Variants in TTLL11 observed in about 807,000 individuals in gnomAD.
TTLL11 encodes tubulin tyrosine ligase like 11.
A neutral mutation model predicts 51.7 loss-of-function variants in TTLL11; 42 were observed. The observed-to-expected ratio is 0.81, with a 90% CI of 0.64 to 1.05. TTLL11 has a LOEUF of 1.05. Ranked by LOEUF, TTLL11 falls within the 50% of genes least tolerant of loss-of-function variation. The pLI, the probability that TTLL11 is intolerant of heterozygous loss-of-function variation, is 0.00. For missense variants in TTLL11, 799 were observed against 940.4 expected, an observed-to-expected ratio of 0.85 and a Z score of 1.97; for synonymous variants, 381 against 383.5, an observed-to-expected ratio of 0.99 and a Z score of 0.08.
At chr9:121,935,389 A>C (rs1841163756) in intron 6 of TTLL11, among the ~76,000 whole-genome samples, 2 of 152,226 alleles carry the variant, frequency 1.3e-5, no homozygotes, top group African/African-American at 4.8e-5. Flanking sequence ...TTTTGACTCC[A>C]TAGATATCCT....
intron 2 of TTLL11, among the ~76,000 whole-genome samples, chr9:122,035,908 C>T (rs1844687533): frequency 6.6e-6 from 1 of 152,166 alleles, no homozygotes; most frequent in African/African-American, 2.4e-5. Context: ...ACCTGACGCC[C>T]TCTAACCATG....
intron 1 of TTLL11, chr9:122,040,277 A>G (rs1844814408): frequency 1.1e-6 from 1 of 886,372 alleles, no homozygotes; most frequent in African/African-American, 1.8e-5. Flanking sequence ...AGCCTGTAAG[A>G]TAGCCTTGTA....
At chr9:122,030,981 C>T (rs1844523906) in intron 3 of TTLL11, among the ~76,000 whole-genome samples, 1 of 151,426 alleles carries the variant, frequency 6.6e-6, no homozygotes, top group African/African-American at 2.4e-5. Flanking sequence ...TGTTAAACTT[C>T]TAGCACAAAG....
chr9:121,884,067 C>T (rs187356209), intron 6 of TTLL11, among the ~76,000 whole-genome samples: 1 of 152,316 alleles, frequency 6.6e-6, no homozygotes, highest in East Asian at 1.9e-4. Context: ...CCAGACACAT[C>T]GCTGGTCCAC....
At position 121,851,839 on chromosome 9, in the gene TTLL11, G is replaced by A. The variant is rs1048754873; in HGVS notation, c.1840+8498C>T. On this transcript the variant is annotated intron_variant, in intron 8 of 8. Transcript: ENST00000321582. ...GAACGGATGGATGAGAGGAGTGGTG[G>A]GGGGGAAGCCCTCACAGCCCCGAGA... Among the ~76,000 whole-genome samples, 12 of 16,770 alleles carry A rather than the reference G, an allele frequency of 7.2e-4. No homozygotes were observed. In the East Asian group the frequency reaches 0.023, roughly 32 times the overall value. 11.0% of individuals were successfully genotyped at this position (16,770 alleles called of 152,430 possible).
intron 1 of TTLL11, among the ~76,000 whole-genome samples, chr9:122,044,597 C>T (rs996570829): frequency 2.6e-5 from 4 of 152,168 alleles, no homozygotes; most frequent in Non-Finnish European, 4.4e-5. Flanking sequence ...ATTTGCATTT[C>T]TCTGATGGCC....
chr9:121,952,387 A>C (rs1177999374), intron 6 of TTLL11, among the ~76,000 whole-genome samples: 2 of 148,572 alleles, frequency 1.3e-5, no homozygotes, highest in Non-Finnish European at 3.0e-5. Context: ...CAGAGGTTGC[A>C]GTGAGCCGAG....
At chr9:122,088,907 G>A (rs1323771005) in intron 1 of TTLL11, among the ~76,000 whole-genome samples, 1 of 151,634 alleles carries the variant, frequency 6.6e-6, no homozygotes, top group African/African-American at 2.4e-5. Context: ...TCAGGAGGCT[G>A]AGGCAGGAGA....
At chr9:121,931,561 G>A (rs1840971105) in intron 6 of TTLL11, among the ~76,000 whole-genome samples, 1 of 135,928 alleles carries the variant, frequency 7.4e-6, no homozygotes, top group African/African-American at 2.8e-5. Context: ...TGATCAACAT[G>A]GTAAAACCCT....
At chr9:121,979,963 T>G (rs1055814279) in intron 4 of TTLL11, among the ~76,000 whole-genome samples, 3 of 151,124 alleles carry the variant, frequency 2.0e-5, no homozygotes, top group African/African-American at 7.3e-5. Context: ...ATTACTTACT[T>G]TGTGAATTAT....
intron 8 of TTLL11, among the ~76,000 whole-genome samples, chr9:121,824,118 A>T (rs1041421271): frequency 2.6e-5 from 4 of 152,194 alleles, no homozygotes; most frequent in African/African-American, 7.2e-5. Flanking sequence ...GTACTTTACC[A>T]ACAGTGCCAC....
At chr9:121,920,509 G>A (rs80057321) in intron 6 of TTLL11, among the ~76,000 whole-genome samples, 18 of 152,186 alleles carry the variant, frequency 1.2e-4, no homozygotes, top group African/African-American at 1.7e-4. Context: ...GCAAATCATC[G>A]GGAAGCAAAT....
At chr9:121,914,223 T>C (rs539581132) in intron 6 of TTLL11, among the ~76,000 whole-genome samples, 2 of 152,336 alleles carry the variant, frequency 1.3e-5, no homozygotes, top group East Asian at 3.9e-4. Flanking sequence ...GGCACAGCTA[T>C]TTGTTAATAT....
chr9:121,895,736 TGC>T (rs1839469085), intron 6 of TTLL11, among the ~76,000 whole-genome samples: 1 of 236 alleles, frequency 4.2e-3, no homozygotes, highest in Non-Finnish European at 0.012. Flanking sequence ...TGTATCTGTG[TGC>T]GTCCGTGTGG....
At chr9:121,876,961 G>A (rs1369452068) in intron 6 of TTLL11, among the ~76,000 whole-genome samples, 3 of 152,236 alleles carry the variant, frequency 2.0e-5, no homozygotes, top group Non-Finnish European at 4.4e-5. Flanking sequence ...TAGGGCAGTT[G>A]TAATGGGCAT....
chr9:122,086,279 G>A (rs1170547453), intron 1 of TTLL11, among the ~76,000 whole-genome samples: 1 of 152,162 alleles, frequency 6.6e-6, no homozygotes, highest in African/African-American at 2.4e-5. Flanking sequence ...TACCCGAATT[G>A]TATCGTTCAA....
At chr9:121,895,710 T>G (rs1468423244) in intron 6 of TTLL11, among the ~76,000 whole-genome samples, 1 of 4,020 alleles carries the variant, frequency 2.5e-4, no homozygotes, top group Non-Finnish European at 6.1e-4. Context: ...TGTGGGTTTG[T>G]GTGACTGTGT....
At chr9:121,985,513 C>CTTTTTTTTTT (rs71371908) in intron 4 of TTLL11, among the ~76,000 whole-genome samples, 4 of 97,274 alleles carry the variant, frequency 4.1e-5, no homozygotes, top group Non-Finnish European at 7.9e-5. Flanking sequence ...ATTTTCTTTT[C>CTTTTTTTTTT]TTTTTTTTTT....
intron 8 of TTLL11, among the ~76,000 whole-genome samples, chr9:121,832,640 G>A (rs1183708933): frequency 3.3e-5 from 5 of 152,110 alleles, no homozygotes; most frequent in African/African-American, 7.2e-5. Flanking sequence ...CTGCTGCTTC[G>A]AGAGTTTTCG....
Sources: gnomAD v4.1 joint callset for allele counts (sites outside exome capture counted in the v4.1 genomes callset) on GRCh38, gnomAD v4.1.1 for gene constraint, MANE v1.5 for transcripts, NCBI Gene and HGNC (gene_info 2026-07-23, HGNC 2026-07-21) for gene names.